The following TICRR variants were observed in gnomAD, a reference collection of about 807,000 sequenced individuals.
TICRR encodes the protein treslin.
Under a neutral mutation model 178.1 loss-of-function variants are expected in TICRR, and 132 were observed. The observed-to-expected ratio is 0.74, with a 90% CI of 0.64 to 0.86. The LOEUF (loss-of-function observed/expected upper bound fraction) is 0.86. TICRR is among the 40% of genes least tolerant of loss of function. TICRR has a pLI of 0.00. For missense variants in TICRR, 2,587 were observed against 2,334.3 expected (o/e 1.11, Z -2.23); for synonymous variants, 991 against 900.7 (o/e 1.10, Z -1.79).
At position 89,601,399 on chromosome 15, in the gene TICRR, T is replaced by C. The variant is rs1963093588; in HGVS notation, c.2247+8T>C. On this transcript the variant is annotated splice_region_variant and intron_variant, in intron 10 of 21. Transcript: ENST00000268138. ...GAACAAGTAGTGGAGGAGGCAAGTA[T>C]ATAGTTTCGTGCCATTGAAATACGC... The C allele has an allele frequency of 6.2e-7, 1 of 1,613,530 alleles. No individual in the cohort carries two copies. Among genetic ancestry groups the C allele is most frequent in the Non-Finnish European group, 8.5e-7 (1 of 1,179,478 alleles).
chr15:89,595,723 G>C, intron 7 of TICRR, 112 bp downstream of exon 7: 2 of 704,030 alleles, frequency 2.8e-6, no homozygotes, highest in South Asian at 3.8e-5. Flanking sequence ...AAGGTGTTAT[G>C]GTGAATACAG....
In TICRR at chr15:89,608,927, T is replaced by C; in HGVS notation, c.2847T>C (p.Leu949=). The C allele has an allele frequency of 6.3e-7, 1 of 1,598,448 alleles. No individual in the cohort carries two copies. The highest frequency in any genetic ancestry group is 8.5e-7 in the Non-Finnish European group (1 of 1,175,506). The change falls in exon 15 of 22, where the codon CTT becomes CTC. Residue 949 remains leucine (L), a synonymous_variant. Transcript: ENST00000268138. ...CTGTGGATGGTCTAGAGGATAAACT[T>C]GACAACTTCAAGAAGAACAAAGGTA... ...VSAVDGLEDK[L]DNFKKNKGYH...
chr15:89,627,145 A>G lies in TICRR; in HGVS notation c.*59A>G, dbSNP rs1963546531. On this transcript the variant is annotated 3_prime_UTR_variant, in exon 22 of 22. Coordinates refer to ENST00000268138, the MANE Select transcript of TICRR (RefSeq NM_152259.4). ...GTCAGCCAGGACCCTGTGGACATAA[A>G]GAAGTTGGATGCCTGGTCCCAAGCC... 6.2e-7 allele frequency: 1 copy of G among 1,601,440 alleles called. No homozygotes were observed. The highest frequency in any genetic ancestry group is 1.3e-5 in the African/African-American group (1 of 74,362).
rs1962780087 is a variant in TICRR at position 89,584,273 on chromosome 15, T to TA, written c.935-13_935-12insA. The TA allele has an allele frequency of 6.3e-7, 1 of 1,587,888 alleles. No homozygotes were observed. Among genetic ancestry groups the TA allele is most frequent in the South Asian group, 1.2e-5 (1 of 86,438 alleles). On this transcript the variant is annotated splice_polypyrimidine_tract_variant and intron_variant, in intron 2 of 21. Coordinates refer to ENST00000268138, the MANE Select transcript of TICRR (RefSeq NM_152259.4). Reference sequence around the variant, plus strand: ...TAATTTGGCATCCTGGTCTAATTAATCTTTATTTCTAGCAGGCAAAGAGAT... The same window carrying TA: ...TAATTTGGCATCCTGGTCTAATTAATACTTTATTTCTAGCAGGCAAAGAGAT...
In TICRR at chr15:89,595,434, A is replaced by T. The variant is rs1030702542; in HGVS notation, c.1723A>T (p.Met575Leu). The T allele has an allele frequency of 9.3e-6, 15 of 1,614,086 alleles. No individual in the cohort carries two copies. Among genetic ancestry groups the T allele is most frequent in the Non-Finnish European group, 1.3e-5 (15 of 1,180,006 alleles). Residue 575 changes from methionine to leucine, a missense_variant, in exon 7 of 22, where the codon ATG becomes TTG. Met to Leu is a conservative substitution (Grantham distance 15). Coordinates refer to ENST00000268138, the MANE Select transcript of TICRR (RefSeq NM_152259.4). Reference protein sequence around the residue: ...RTPVRQKMNTMCRSLKMLNVA... With the variant: ...RTPVRQKMNTLCRSLKMLNVA... The stretch of plus-strand genomic sequence containing the variant: ...TCCAGTGAGACAGAAGATGAATACC[A>T]TGTGCCGTTCCTTAAAGATGTTGAA...
intron 15 of TICRR, among the ~76,000 whole-genome samples, chr15:89,615,549 A>G (rs903482090): frequency 2.4e-4 from 36 of 152,280 alleles, no homozygotes; most frequent in African/African-American, 7.9e-4. Flanking sequence ...TCTGGAAAAG[A>G]TTTTTGACCA....
chr15:89,583,414 G>A lies in TICRR; in HGVS notation c.934+449G>A, dbSNP rs143742310. On this transcript the variant is annotated intron_variant, in intron 2 of 21. Coordinates refer to ENST00000268138, the MANE Select transcript of TICRR (RefSeq NM_152259.4). ...ACATGTTGGAATCTTCATTACATTAGTTTCACCATATGATTTGCTATATGG... is the reference window on the plus strand; with the variant it reads ...ACATGTTGGAATCTTCATTACATTAATTTCACCATATGATTTGCTATATGG... Among the ~76,000 whole-genome samples the A allele has an allele frequency of 1.2e-3, 185 of 152,226 alleles. 1 individual carries two copies. The highest frequency in any genetic ancestry group is 4.3e-3 in the African/African-American group (178 of 41,522).
At chr15:89,595,078 C>T (rs1453078406) in intron 6 of TICRR, among the ~76,000 whole-genome samples, 1 of 152,152 alleles carries the variant, frequency 6.6e-6, no homozygotes, top group Non-Finnish European at 1.5e-5. Context: ...TTTTCATCAC[C>T]ATTTTTCGTG....
intron 17 of TICRR, among the ~76,000 whole-genome samples, chr15:89,618,970 T>A (rs1963379380): frequency 6.6e-6 from 1 of 151,992 alleles, no homozygotes; most frequent in Non-Finnish European, 1.5e-5. Context: ...AAAAATAAAA[T>A]AATAAAAGTA....
intron 1 of TICRR, among the ~76,000 whole-genome samples, chr15:89,577,891 A>T (rs7168627): frequency 6.6e-6 from 1 of 151,598 alleles, no homozygotes; most frequent in South Asian, 2.1e-4. Context: ...GATTACAGGC[A>T]TGAGCCACCG....
rs144998725 is a variant in TICRR at position 89,585,761 on chromosome 15, C to T, written c.1230C>T (p.Ser410=). Residue 410 remains serine, a synonymous_variant, in exon 4 of 22, where the codon TCC becomes TCT. Transcript: ENST00000268138. ...EGRPPITGVI[S]PLSASAMILT... is the part of the protein sequence containing the mutation. ...GGCCCCCCATCACTGGAGTTATTTC[C>T]CCACTCTCTGCCAGTGCTATGATCC... 9.5e-4 allele frequency: 1,531 copies of T among 1,614,090 alleles called. 1 individual carries two copies. Among genetic ancestry groups the T allele is most frequent in the Non-Finnish European group, 1.2e-3 (1,446 of 1,179,994 alleles).
intron 6 of TICRR, 125 bp from the exon 7 acceptor site, chr15:89,595,268 C>T: frequency 1.4e-6 from 1 of 705,148 alleles, no homozygotes; most frequent in Non-Finnish European, 2.4e-6. Flanking sequence ...CTTCCTAATT[C>T]AAATCATTCT....
At chr15:89,608,045 G>A (rs74032445) in intron 14 of TICRR, among the ~76,000 whole-genome samples, 3,016 of 152,236 alleles carry the variant, frequency 0.02, 107 homozygotes, top group African/African-American at 0.068. Context: ...AATGTCCAAA[G>A]TGAGAAAAAT....
At chr15:89,595,074 T>C (rs1003504816) in intron 6 of TICRR, among the ~76,000 whole-genome samples, 3 of 152,212 alleles carry the variant, frequency 2.0e-5, no homozygotes, top group Non-Finnish European at 4.4e-5. Flanking sequence ...GAAATTTTCA[T>C]CACCATTTTT....
chr15:89,626,921 A>G (rs1963538785), intron 21 of TICRR, 35 bp from the exon 22 acceptor site: 1 of 1,604,014 alleles, frequency 6.2e-7, no homozygotes, highest in Non-Finnish European at 8.5e-7. Context: ...GTCCTCTGTG[A>G]CTCCTGCATG....
In TICRR at chr15:89,627,611, A is replaced by G. The variant is rs182275540; in HGVS notation, c.*525A>G. Reference sequence around the variant, plus strand: ...TCTCTAGTGACTGAGCACTCAGTACATTTTTGTTTAATGTTGGGCCTGAGG... The same window carrying G: ...TCTCTAGTGACTGAGCACTCAGTACGTTTTTGTTTAATGTTGGGCCTGAGG... On this transcript the variant is annotated 3_prime_UTR_variant, in exon 22 of 22. Coordinates refer to ENST00000268138, the MANE Select transcript of TICRR (RefSeq NM_152259.4). 6.5e-6 allele frequency: 1 copy of G among 155,010 alleles called. No individual in the cohort carries two copies. Among genetic ancestry groups the G allele is most frequent in the South Asian group, 2.0e-4 (1 of 4,966 alleles). 9.6% of individuals were successfully genotyped at this position (155,010 alleles called of 1,614,324 possible).
chr15:89,586,959 T>C (rs1347984993), intron 4 of TICRR, among the ~76,000 whole-genome samples: 1 of 152,200 alleles, frequency 6.6e-6, no homozygotes, highest in East Asian at 1.9e-4. Context: ...TTTAACAGCA[T>C]TACTCTGGCT....
Position 89,582,890 on chromosome 15 carries a change from C to T in TICRR, c.859C>T (p.Arg287Cys), listed in dbSNP as rs10775247. 884,192 of 1,613,896 alleles carry T rather than the reference C, an allele frequency of 0.55. 248,398 individuals are homozygous for T. Among genetic ancestry groups the T allele is most frequent in the Non-Finnish European group, 0.58 (689,513 of 1,179,938 alleles). ...GCTGCCAACTGATGCCACTTTAAAC[C>T]GTTTGCTCTACAATTCTCCTGAGTA... ...SMLPTDATLNRLLYNSPEYEA... is the reference protein window; with the variant it reads ...SMLPTDATLNCLLYNSPEYEA... Residue 287 changes from arginine to cysteine, a missense_variant, in exon 2 of 22, where the codon CGT becomes TGT. Coordinates refer to ENST00000268138, the MANE Select transcript of TICRR (RefSeq NM_152259.4).
intron 9 of TICRR, 44 bp downstream of exon 9, chr15:89,600,729 G>A (rs1596048033): frequency 1.1e-6 from 1 of 944,508 alleles, no homozygotes; most frequent in Non-Finnish European, 1.7e-6. Flanking sequence ...TCTAAAAGCT[G>A]TGAGATTAGC....
Sources: allele counts gnomAD v4.1 joint callset (sites outside exome capture counted in the v4.1 genomes callset), GRCh38; gene constraint gnomAD v4.1.1; transcripts MANE v1.5; gene names NCBI Gene and HGNC (gene_info 2026-07-23, HGNC 2026-07-21).